SLC36A1: variants seen among roughly 807,000 people sequenced by gnomAD.
SLC36A1 encodes solute carrier family 36 member 1, also known as proton-coupled amino acid transporter 1.
SLC36A1 carries 30 observed loss-of-function variants against 47.5 expected under a neutral mutation model. The observed-to-expected ratio is 0.63, with a 90% CI of 0.47 to 0.86. SLC36A1 has a LOEUF of 0.86. Ranked by LOEUF, SLC36A1 falls within the 40% of genes least tolerant of loss-of-function variation. The pLI, the probability that SLC36A1 is intolerant of heterozygous loss-of-function variation, is 0.00. For synonymous variants in SLC36A1, 255 were observed against 249.7 expected, an observed-to-expected ratio of 1.02 and a Z score of -0.20; for missense variants, 517 against 606.0, an observed-to-expected ratio of 0.85 and a Z score of 1.54.
chr5:151,433,560 G>A (rs1203278355), upstream of SLC36A1, among the ~76,000 whole-genome samples: 1 of 150,964 alleles, frequency 6.6e-6, no homozygotes, highest in African/African-American at 2.4e-5. Context: ...CAAAGTGCTG[G>A]GATTACAGGC....
chr5:151,397,807 T>C, the SLC36A1 span, among the ~76,000 whole-genome samples: 75 of 140,754 alleles, frequency 5.3e-4, no homozygotes, highest in African/African-American at 1.9e-3. Flanking sequence ...ATCTGTGGCC[T>C]CCAGATTTAA....
intron 1 of SLC36A1, chr5:151,451,123 T>C (rs999357598): frequency 6.6e-6 from 1 of 152,258 alleles, no homozygotes; most frequent in African/African-American, 2.4e-5. Context: ...GGTGCTGCAT[T>C]TGGGGTTGTC....
chr5:151,356,582 TG>T, the SLC36A1 span, among the ~76,000 whole-genome samples: 1 of 152,262 alleles, frequency 6.6e-6, no homozygotes, highest in South Asian at 2.1e-4. Context: ...CTTCAGGCAC[TG>T]GCTCTCCTCC....
the SLC36A1 span, chr5:151,512,825 A>AG: frequency 1.7e-6 from 1 of 572,714 alleles, no homozygotes; most frequent in African/African-American, 1.9e-5. This position sits in a 1 kb window ranked among gnomAD's most constrained non-coding sequence, Gnocchi z 4.1. Flanking sequence ...TGGTCTGGGT[A>AG]GGGGGTGACA....
Position 151,488,084 on chromosome 5 carries a change from G to T in SLC36A1, c.1261G>T (p.Val421Phe), listed in dbSNP as rs1277605934. 1 of 1,614,154 alleles carries T rather than the reference G, an allele frequency of 6.2e-7. No homozygotes were observed. Among genetic ancestry groups the T allele is most frequent in the African/African-American group, 1.3e-5 (1 of 75,040 alleles). ...LALIIPPLLE[V>F]TTFYSEGMSP... ...CCTCATCATCCCACCGCTCCTGGAG[G>T]TCACCACCTTCTACTCAGAGGGCAT... Residue 421 changes from valine to phenylalanine, a missense_variant, in exon 11 of 11, where the codon GTC becomes TTC. Val to Phe is a conservative substitution (Grantham distance 50, BLOSUM62 -1). Transcript: ENST00000243389.
chr5:151,399,283 C>T, the SLC36A1 span, among the ~76,000 whole-genome samples: 4 of 151,644 alleles, frequency 2.6e-5, no homozygotes, highest in African/African-American at 7.3e-5. Context: ...GACAGGGTTT[C>T]ACCACGTTGT....
At chr5:151,475,339 G>A (rs1757901953) in intron 8 of SLC36A1, among the ~76,000 whole-genome samples, 2 of 152,156 alleles carry the variant, frequency 1.3e-5, no homozygotes, top group African/African-American at 4.8e-5. Flanking sequence ...TGTTTGCTTG[G>A]TTTTATTACC....
At chr5:151,555,601 C>T in the SLC36A1 span, among the ~76,000 whole-genome samples, 2 of 151,842 alleles carry the variant, frequency 1.3e-5, no homozygotes, top group Non-Finnish European at 2.9e-5. Context: ...AACTCCTAAC[C>T]CCAAGTGATC....
At chr5:151,512,074 A>G in the SLC36A1 span, 1 of 1,229,036 alleles carries the variant, frequency 8.1e-7, no homozygotes, top group African/African-American at 1.5e-5. This position sits in a 1 kb window ranked among gnomAD's most constrained non-coding sequence, Gnocchi z 4.1. Context: ...TGGAACCAGG[A>G]GGCTCTGAGA....
the SLC36A1 span, among the ~76,000 whole-genome samples, chr5:151,501,576 C>T: frequency 2.3e-3 from 338 of 148,162 alleles, 61 homozygotes; most frequent in African/African-American, 8.6e-3. Context: ...GCCACACACC[C>T]GGCCTGGTAT....
At chr5:151,464,488 C>T in intron 3 of SLC36A1, 26 bp from the exon 4 acceptor site, 1 of 1,599,716 alleles carries the variant, frequency 6.3e-7, no homozygotes, top group South Asian at 1.1e-5. Flanking sequence ...TTCTCTCTCT[C>T]TTTTGCCTGC....
the SLC36A1 span, chr5:151,545,087 T>C: frequency 9.9e-6 from 16 of 1,614,134 alleles, no homozygotes; most frequent in Middle Eastern, 3.3e-4. Context: ...GACTGGACCA[T>C]ATGAAACATA....
intron 10 of SLC36A1, among the ~76,000 whole-genome samples, chr5:151,485,546 C>T (rs1759400532): frequency 6.6e-6 from 1 of 152,200 alleles, no homozygotes; most frequent in Admixed American, 6.5e-5. Context: ...GCCAGACTCC[C>T]TGTCTCCCCT....
the SLC36A1 span, among the ~76,000 whole-genome samples, chr5:151,397,906 C>T: frequency 1.3e-5 from 2 of 151,964 alleles, no homozygotes; most frequent in East Asian, 3.9e-4. Flanking sequence ...CGCTTGAGTC[C>T]AGGAGTTTGA....
At chr5:151,505,780 AGTG>A in the SLC36A1 span, 1 of 1,613,954 alleles carries the variant, frequency 6.2e-7, no homozygotes, top group Non-Finnish European at 8.5e-7. Flanking sequence ...CGGAACTGCG[AGTG>A]GTAGTAGCTG....
chr5:151,410,881 A>G, the SLC36A1 span, among the ~76,000 whole-genome samples: 2 of 144,596 alleles, frequency 1.4e-5, 1 homozygote, highest in African/African-American at 5.0e-5. Context: ...ATTGCAGGCT[A>G]TTTTACAGCA....
At position 151,488,025 on chromosome 5, in the gene SLC36A1, C is replaced by G; in HGVS notation, c.1202C>G (p.Ser401Cys). ...ILIPRLDLVI[S>C]LVGSVSSSAL... Reference sequence around the variant, plus strand: ...ATCCCCCGCCTGGACCTGGTCATCTCCCTGGTGGGCTCCGTGAGCAGCAGC... The same window carrying G: ...ATCCCCCGCCTGGACCTGGTCATCTGCCTGGTGGGCTCCGTGAGCAGCAGC... The change falls in exon 11 of 11, where the codon TCC becomes TGC. Residue 401 changes from serine (S) to cysteine (C), a missense_variant. Ser to Cys is a moderately radical substitution (Grantham distance 112). Coordinates refer to ENST00000243389, the MANE Select transcript of SLC36A1 (RefSeq NM_078483.4). 6.2e-7 allele frequency: 1 copy of G among 1,614,168 alleles called. No individual in the cohort carries two copies. The highest frequency in any genetic ancestry group is 8.5e-7 in the Non-Finnish European group (1 of 1,180,016).
chr5:151,403,471 C>T, the SLC36A1 span, among the ~76,000 whole-genome samples: 3 of 152,128 alleles, frequency 2.0e-5, no homozygotes, highest in African/African-American at 7.2e-5. Flanking sequence ...TGTGGCACCT[C>T]CCCCTGCTCC....
chr5:151,346,380 C>G, the SLC36A1 span, among the ~76,000 whole-genome samples: 4 of 152,122 alleles, frequency 2.6e-5, no homozygotes, highest in Non-Finnish European at 5.9e-5. Context: ...CTGCCCCTTA[C>G]AGTCCCTCCC....
Sources: gnomAD v4.1 joint callset for allele counts (sites outside exome capture counted in the v4.1 genomes callset) on GRCh38, gnomAD v4.1.1 for gene constraint, Gnocchi (gnomAD v3.1) non-coding constraint, MANE v1.5 for transcripts, NCBI Gene and HGNC (gene_info 2026-07-23, HGNC 2026-07-21) for gene names.